Variants in WDTC1 observed in about 807,000 individuals in gnomAD.
The protein encoded by WDTC1 is WD and tetratricopeptide repeats 1.
A neutral mutation model predicts 76.0 loss-of-function variants in WDTC1; 12 were observed. The ratio of observed to expected loss-of-function variants is 0.16; its 90% CI spans 0.10 to 0.26. The LOEUF (loss-of-function observed/expected upper bound fraction) is 0.26, where lower values mean the gene tolerates loss of function less well. Among genes scored for constraint, WDTC1 ranks in the 10% least tolerant of loss-of-function variants. WDTC1 has a pLI of 1.00. For synonymous variants in WDTC1, 326 were observed against 350.8 expected (o/e 0.93, Z 0.79); for missense variants, 511 against 908.8 (o/e 0.56, Z 5.63).
At chr1:27,246,222 A>T (rs1184791105) in intron 1 of WDTC1, among the ~76,000 whole-genome samples, 1 of 152,234 alleles carries the variant, frequency 6.6e-6, no homozygotes, top group Non-Finnish European at 1.5e-5. Flanking sequence ...AAAGAAACAC[A>T]TACCCTTGAG....
At chr1:27,280,297 G>T (rs2013151846) in intron 3 of WDTC1, among the ~76,000 whole-genome samples, 1 of 152,150 alleles carries the variant, frequency 6.6e-6, no homozygotes, top group South Asian at 2.1e-4. Flanking sequence ...CAAAAGAAAA[G>T]ATTTTATGGA....
chr1:27,280,819 T>C (rs1209773283), intron 3 of WDTC1, among the ~76,000 whole-genome samples: 6 of 152,252 alleles, frequency 3.9e-5, no homozygotes, highest in African/African-American at 1.4e-4. Context: ...GGTCCTTATG[T>C]GTAGCTACAC....
chr1:27,259,323 C>CTTTTT (rs57081638), intron 1 of WDTC1, among the ~76,000 whole-genome samples: 3 of 106,332 alleles, frequency 2.8e-5, no homozygotes, highest in Non-Finnish European at 3.8e-5. Context: ...CCATGCCCAA[C>CTTTTT]TTTTTTTTTT....
intron 6 of WDTC1, among the ~76,000 whole-genome samples, chr1:27,289,616 T>G (rs949881388): frequency 3.3e-5 from 5 of 152,164 alleles, no homozygotes; most frequent in Admixed American, 1.3e-4. Context: ...CTCGGCACTT[T>G]GGGAGGCCAA....
chr1:27,254,979 A>G (rs1055001328), intron 1 of WDTC1, among the ~76,000 whole-genome samples: 1 of 151,700 alleles, frequency 6.6e-6, no homozygotes, highest in South Asian at 2.1e-4. Flanking sequence ...TTTGATCCCA[A>G]CTTCCATTTT....
At chr1:27,235,613 G>A (rs2011478537) in intron 1 of WDTC1, among the ~76,000 whole-genome samples, 1 of 151,980 alleles carries the variant, frequency 6.6e-6, no homozygotes, top group Non-Finnish European at 1.5e-5. Flanking sequence ...CTGCGAACCA[G>A]CAGGATCCAC....
chr1:27,259,510 G>C (rs2012405758), intron 1 of WDTC1, among the ~76,000 whole-genome samples: 1 of 151,568 alleles, frequency 6.6e-6, no homozygotes, highest in Admixed American at 6.6e-5. Context: ...TCCTTCTTTA[G>C]AGGCAGAGTC....
intron 1 of WDTC1, among the ~76,000 whole-genome samples, chr1:27,260,357 G>A (rs886977355): frequency 6.6e-5 from 10 of 152,262 alleles, no homozygotes; most frequent in African/African-American, 1.7e-4. Flanking sequence ...CGCCCACCTC[G>A]GCCTCCCGAA....
intron 1 of WDTC1, among the ~76,000 whole-genome samples, chr1:27,257,780 G>A (rs2012331311): frequency 6.6e-6 from 1 of 151,896 alleles, no homozygotes; most frequent in African/African-American, 2.4e-5. Context: ...GTTCTTGCCT[G>A]TTTTTTTGTT....
chr1:27,261,004 G>C lies in WDTC1; in HGVS notation c.-51G>C. ...ACCTGGGCTTGGCTGGAATGCTCAGGGGTCCTGAAGATCCTATTATAGCTT... is the reference window on the plus strand; with the variant it reads ...ACCTGGGCTTGGCTGGAATGCTCAGCGGTCCTGAAGATCCTATTATAGCTT... On this transcript the variant is annotated 5_prime_UTR_variant, in exon 2 of 16. Coordinates refer to ENST00000319394, the MANE Select transcript of WDTC1 (RefSeq NM_001276252.2). The C allele has an allele frequency of 1.2e-6, 2 of 1,603,098 alleles. No homozygotes were observed. Among genetic ancestry groups the C allele is most frequent in the Admixed American group, 3.4e-5 (2 of 59,286 alleles).
chr1:27,248,609 T>C (rs912273916), intron 1 of WDTC1, among the ~76,000 whole-genome samples: 2 of 152,224 alleles, frequency 1.3e-5, no homozygotes, highest in African/African-American at 4.8e-5. Context: ...CTGTTAATGA[T>C]ACACTTTAAA....
At chr1:27,283,598 C>G (rs2013253758) in intron 5 of WDTC1, 149 bp downstream of exon 5, 2 of 639,578 alleles carry the variant, frequency 3.1e-6, no homozygotes, top group South Asian at 2.1e-5. Context: ...GTTGGTGATT[C>G]CTGAAACCTC....
At chr1:27,270,574 T>C (rs2012838558) in intron 3 of WDTC1, among the ~76,000 whole-genome samples, 1 of 152,116 alleles carries the variant, frequency 6.6e-6, no homozygotes, top group African/African-American at 2.4e-5. Flanking sequence ...ACCACTGTGG[T>C]CCCAGCTACT....
At position 27,294,029 on chromosome 1, in the gene WDTC1, A is replaced by G. The variant is rs1434251034; in HGVS notation, c.670A>G (p.Met224Val). Residue 224 changes from methionine (M) to valine (V), a missense_variant, in exon 8 of 16, where the codon ATG becomes GTG. By Grantham distance (21) the Met-to-Val change is conservative. Coordinates refer to ENST00000319394, the MANE Select transcript of WDTC1 (RefSeq NM_001276252.2). ...IRMIHNHRKS[M>V]KQSPSAGVHT... ...GATTTTCCTTCCCACCAGAAAGAGCATGAAGCAGAGCCCTTCAGCGGGTGT... is the reference window on the plus strand; with the variant it reads ...GATTTTCCTTCCCACCAGAAAGAGCGTGAAGCAGAGCCCTTCAGCGGGTGT... 6.2e-7 allele frequency: 1 copy of G among 1,613,926 alleles called. No homozygotes were observed. The highest frequency in any genetic ancestry group is 8.5e-7 in the Non-Finnish European group (1 of 1,179,944).
In WDTC1 at chr1:27,283,328, C is replaced by T. The variant is rs1391196646; in HGVS notation, c.180-10C>T. On this transcript the variant is annotated splice_polypyrimidine_tract_variant and intron_variant, in intron 4 of 15. Coordinates refer to ENST00000319394, the MANE Select transcript of WDTC1 (RefSeq NM_001276252.2). ...TGAGGAGAGATCACAATCCCTCACT[C>T]TGCTTTCAGCTTGCTGGCCTCTGGT... The T allele has an allele frequency of 1.2e-6, 2 of 1,613,312 alleles. No individual in the cohort carries two copies. Among genetic ancestry groups the T allele is most frequent in the Admixed American group, 3.3e-5 (2 of 60,008 alleles).
At chr1:27,282,567 A>G (rs1055168949) in intron 4 of WDTC1, among the ~76,000 whole-genome samples, 2 of 152,046 alleles carry the variant, frequency 1.3e-5, no homozygotes, top group Admixed American at 6.6e-5. Context: ...CAATGGCGTG[A>G]TCTTGGCTCA....
chr1:27,236,687 C>T (rs1164767806), intron 1 of WDTC1, among the ~76,000 whole-genome samples: 1 of 152,064 alleles, frequency 6.6e-6, no homozygotes, highest in South Asian at 2.1e-4. Flanking sequence ...GGTGTTTTTG[C>T]ACACCTAGAC....
intron 6 of WDTC1, 35 bp downstream of exon 6, chr1:27,287,896 TC>T (rs1388529514): frequency 5.0e-6 from 8 of 1,591,490 alleles, no homozygotes; most frequent in Non-Finnish European, 6.8e-6. Flanking sequence ...AGCCTGTCGC[TC>T]CCCCATCCCA....
In WDTC1 at chr1:27,294,048, C is replaced by T. The variant is rs934178573; in HGVS notation, c.689C>T (p.Ala230Val). Reference protein sequence around the residue: ...HRKSMKQSPSAGVHTFCDRQK... With the variant: ...HRKSMKQSPSVGVHTFCDRQK... ...AAGAGCATGAAGCAGAGCCCTTCAG[C>T]GGGTGTGCACACCTTCTGTGACCGG... The change falls in exon 8 of 16, where the codon GCG becomes GTG. Residue 230 changes from alanine to valine, a missense_variant. Ala to Val is a moderately conservative substitution (Grantham distance 64). Transcript: ENST00000319394. 16 of 1,614,024 alleles carry T rather than the reference C, an allele frequency of 9.9e-6. No homozygotes were observed. The highest frequency in any genetic ancestry group is 4.5e-5 in the East Asian group (2 of 44,884).
Sources: gnomAD v4.1 joint callset for allele counts (sites outside exome capture counted in the v4.1 genomes callset) on GRCh38, gnomAD v4.1.1 for gene constraint, MANE v1.5 for transcripts, NCBI Gene and HGNC (gene_info 2026-07-23, HGNC 2026-07-21) for gene names.